HPCAL1: variants seen among roughly 807,000 people sequenced by gnomAD.
The protein encoded by HPCAL1 is hippocalcin-like protein 1.
A neutral mutation model predicts 17.1 loss-of-function variants in HPCAL1; 8 were observed. That is an observed-to-expected ratio of 0.47 (90% confidence interval 0.27 to 0.84). HPCAL1 has a LOEUF of 0.84. HPCAL1 is among the 40% of genes least tolerant of loss of function. The pLI is 0.13. For missense variants in HPCAL1, 165 were observed against 271.1 expected (o/e 0.61, Z 2.75); for synonymous variants, 112 against 111.4 (o/e 1.01, Z -0.03).
intron 2 of HPCAL1, among the ~76,000 whole-genome samples, chr2:10,405,847 C>G (rs1297861059): frequency 6.6e-6 from 1 of 152,212 alleles, no homozygotes; most frequent in Non-Finnish European, 1.5e-5. Flanking sequence ...GTATCTCCAG[C>G]CTGCTGTGCC....
chr2:10,383,378 T>G (rs1668093550), intron 1 of HPCAL1, among the ~76,000 whole-genome samples: 1 of 152,006 alleles, frequency 6.6e-6, no homozygotes, highest in South Asian at 2.1e-4. Context: ...CCCCCTTTTT[T>G]TTCAGACCGC....
intron 1 of HPCAL1, chr2:10,368,542 CACTGAGT>C (rs1399966741): frequency 4.6e-5 from 7 of 152,344 alleles, no homozygotes; most frequent in African/African-American, 1.7e-4. Context: ...CCCCCAGACA[CACTGAGT>C]ACTCTTTCCT....
chr2:10,389,401 C>A (rs547247513), intron 1 of HPCAL1, among the ~76,000 whole-genome samples: 2 of 152,338 alleles, frequency 1.3e-5, no homozygotes, highest in Admixed American at 6.5e-5. Context: ...ACCACCGGCT[C>A]ACCCTTGAAT....
intron 1 of HPCAL1, among the ~76,000 whole-genome samples, chr2:10,360,740 A>C (rs1434393880): frequency 1.3e-5 from 2 of 152,164 alleles, no homozygotes; most frequent in East Asian, 3.9e-4. Context: ...CCTTTGGAAA[A>C]TGAATCTCCT....
intron 1 of HPCAL1, among the ~76,000 whole-genome samples, chr2:10,357,646 T>G (rs544932774): frequency 1.3e-5 from 2 of 152,326 alleles, no homozygotes; most frequent in Admixed American, 6.5e-5. Context: ...GATGTTCTTG[T>G]AAATATCACG....
At chr2:10,364,663 T>C (rs1243376975) in intron 1 of HPCAL1, among the ~76,000 whole-genome samples, 1 of 151,772 alleles carries the variant, frequency 6.6e-6, no homozygotes, top group East Asian at 1.9e-4. Flanking sequence ...TGGCTCACTG[T>C]AGCCTCGACC....
At chr2:10,405,722 C>T (rs1210415235) in intron 2 of HPCAL1, among the ~76,000 whole-genome samples, 2 of 152,240 alleles carry the variant, frequency 1.3e-5, no homozygotes, top group Non-Finnish European at 2.9e-5. Flanking sequence ...CAGGCGTCAT[C>T]AGCACAGCCA....
At chr2:10,338,788 G>A (rs13035988) in intron 1 of HPCAL1, among the ~76,000 whole-genome samples, 2 of 152,210 alleles carry the variant, frequency 1.3e-5, no homozygotes, top group African/African-American at 2.4e-5. Flanking sequence ...GAGAGGTGGC[G>A]TCGCCTCCAC....
chr2:10,375,325 A>G (rs540565321), intron 1 of HPCAL1, among the ~76,000 whole-genome samples: 1 of 152,166 alleles, frequency 6.6e-6, no homozygotes, highest in African/African-American at 2.4e-5. Context: ...AGAATTCACC[A>G]GGCAGGACAG....
In HPCAL1 at chr2:10,362,607, A is replaced by G. The variant is rs11677361; in HGVS notation, c.-110-34228A>G. Among the ~76,000 whole-genome samples, 58,912 of 152,134 alleles carry G rather than the reference A, an allele frequency of 0.39. 12,436 individuals are homozygous for G. Among genetic ancestry groups the G allele is most frequent in the East Asian group, 0.72 (3,709 of 5,160 alleles). ...TGTTCTGCCACTTGGCAGCCTCACC[A>G]GGGACATATCAGCCCCAGGCTGATT... On this transcript the variant is annotated intron_variant, in intron 1 of 4. Transcript: ENST00000307845. This position sits in a 1 kb window ranked among gnomAD's most constrained non-coding sequence, Gnocchi z 5.0.
chr2:10,410,644 G>A (rs962124006), intron 2 of HPCAL1, among the ~76,000 whole-genome samples: 2 of 151,742 alleles, frequency 1.3e-5, no homozygotes, highest in Admixed American at 6.6e-5. Flanking sequence ...TTTTTAAGCC[G>A]AGCAGGAGAT....
chr2:10,320,307 A>G (rs1482466727), intron 1 of HPCAL1, among the ~76,000 whole-genome samples: 1 of 152,102 alleles, frequency 6.6e-6, no homozygotes, highest in Non-Finnish European at 1.5e-5. Flanking sequence ...TGTAATCTCC[A>G]GTGTTGGAGG....
At position 10,331,078 on chromosome 2, in the gene HPCAL1, T is replaced by G. The variant is rs1342182798; in HGVS notation, c.-111+27901T>G. Among the ~76,000 whole-genome samples the G allele has an allele frequency of 6.6e-6, 1 of 152,194 alleles. No individual in the cohort carries two copies. Among genetic ancestry groups the G allele is most frequent in the Admixed American group, 6.5e-5 (1 of 15,280 alleles). On this transcript the variant is annotated intron_variant, in intron 1 of 4. Coordinates refer to ENST00000307845, the MANE Select transcript of HPCAL1 (RefSeq NM_002149.4). This position sits in a 1 kb window ranked among gnomAD's most constrained non-coding sequence, Gnocchi z 5.0. ...TCGCTCCATCTCGTGGCCTCCCATC[T>G]GCTCTCCCGGCTGCAGGAGCGGTTT... is the stretch of plus-strand genomic sequence containing the variant.
At chr2:10,320,937 A>G (rs1014849133) in intron 1 of HPCAL1, among the ~76,000 whole-genome samples, 4 of 152,246 alleles carry the variant, frequency 2.6e-5, no homozygotes, top group Admixed American at 2.6e-4. Flanking sequence ...GACTGTGGAA[A>G]ACAATACATT....
At chr2:10,325,634 G>A (rs146241647) in intron 1 of HPCAL1, among the ~76,000 whole-genome samples, 340 of 152,324 alleles carry the variant, frequency 2.2e-3, no homozygotes, top group Non-Finnish European at 3.7e-3. Flanking sequence ...CCCCACACCG[G>A]GCCAGAGCTG....
At chr2:10,308,529 G>A (rs975447619) in intron 1 of HPCAL1, among the ~76,000 whole-genome samples, 1 of 152,158 alleles carries the variant, frequency 6.6e-6, no homozygotes, top group Non-Finnish European at 1.5e-5. Context: ...CCCAAGAGCT[G>A]TTTCATTTGG....
rs1671170200 is a variant in HPCAL1, at chr2:10,423,104, G to C, written c.484+16G>C. ...AACAATGACGGTAGTGCGGGGTGGG[G>C]GCGGGGCTGCATGTGTACGCCACGG... On this transcript the variant is annotated intron_variant, in intron 4 of 4. Coordinates refer to ENST00000307845, the MANE Select transcript of HPCAL1 (RefSeq NM_002149.4). The C allele has an allele frequency of 1.9e-6, 3 of 1,577,754 alleles. No homozygotes were observed. Among genetic ancestry groups the C allele is most frequent in the Non-Finnish European group, 2.6e-6 (3 of 1,147,866 alleles).
chr2:10,355,652 C>T (rs1250013813), intron 1 of HPCAL1, among the ~76,000 whole-genome samples: 2 of 151,962 alleles, frequency 1.3e-5, no homozygotes, highest in Non-Finnish European at 2.9e-5. Context: ...ACCCAGAGAG[C>T]GGCTGGGAAA....
rs1331498974 is a variant in HPCAL1, at chr2:10,342,712, G to A, written c.-111+39535G>A. ...CTCTCATTCTTTCTCGTTGAGTTTT[G>A]TTTTGTCACCCAGCCGGACTCCTGG... is the stretch of plus-strand genomic sequence containing the variant. On this transcript the variant is annotated intron_variant, in intron 1 of 4. Transcript: ENST00000307845. The surrounding 1 kb of genome is among the most constrained non-coding windows in gnomAD (Gnocchi z 4.1). 2.0e-5 allele frequency among the ~76,000 whole-genome samples: 3 copies of A among 152,168 alleles called. No individual in the cohort carries two copies. Among genetic ancestry groups the A allele is most frequent in the Non-Finnish European group, 4.4e-5 (3 of 68,028 alleles).
Sources: allele counts gnomAD v4.1 joint callset (sites outside exome capture counted in the v4.1 genomes callset), GRCh38; gene constraint gnomAD v4.1.1; non-coding constraint Gnocchi (gnomAD v3.1); transcripts MANE v1.5; gene names NCBI Gene and HGNC (gene_info 2026-07-23, HGNC 2026-07-21).